Variants in TMEM117 observed in about 807,000 individuals in gnomAD.
TMEM117 encodes the protein transmembrane protein 117.
Under a neutral mutation model 52.4 loss-of-function variants are expected in TMEM117, and 27 were observed. The ratio of observed to expected loss-of-function variants is 0.51; its 90% CI spans 0.38 to 0.71. The LOEUF is 0.71. Among genes scored for constraint, TMEM117 ranks in the 30% least tolerant of loss-of-function variants. The pLI is 0.00. For synonymous variants in TMEM117, 215 were observed against 206.3 expected (o/e 1.04, Z -0.36); for missense variants, 556 against 630.5 (o/e 0.88, Z 1.26).
At chr12:44,093,773 A>G (rs1188664183) in intron 3 of TMEM117, among the ~76,000 whole-genome samples, 2 of 152,094 alleles carry the variant, frequency 1.3e-5, no homozygotes, top group African/African-American at 4.8e-5. Flanking sequence ...AATGTGAGAA[A>G]ATTGATCTTT....
chr12:44,223,638 G>A (rs561928380), intron 5 of TMEM117, among the ~76,000 whole-genome samples: 3 of 152,228 alleles, frequency 2.0e-5, no homozygotes, highest in South Asian at 4.1e-4. Flanking sequence ...CTAAGAATAG[G>A]CTGCTCACAT....
intron 4 of TMEM117, among the ~76,000 whole-genome samples, chr12:44,208,122 AT>A (rs58669783): frequency 0.1 from 15,791 of 152,116 alleles, 927 homozygotes; most frequent in Middle Eastern, 0.2. Flanking sequence ...GAAAGCAAAG[AT>A]TTCACTTAGA....
At chr12:44,226,190 A>G (rs1949858656) in intron 5 of TMEM117, among the ~76,000 whole-genome samples, 1 of 152,102 alleles carries the variant, frequency 6.6e-6, no homozygotes, top group African/African-American at 2.4e-5. Context: ...AATTGCTACC[A>G]CTATTTATTT....
intron 4 of TMEM117, among the ~76,000 whole-genome samples, chr12:44,180,865 C>G (rs1234352232): frequency 6.6e-6 from 1 of 151,344 alleles, no homozygotes; most frequent in African/African-American, 2.4e-5. Context: ...TGGGTATATA[C>G]CCAGTAATGG....
intron 4 of TMEM117, among the ~76,000 whole-genome samples, chr12:44,174,645 C>T (rs1287627821): frequency 6.6e-6 from 1 of 152,116 alleles, no homozygotes; most frequent in Non-Finnish European, 1.5e-5. Flanking sequence ...ATAGCTATCT[C>T]ATAACTAGCA....
At chr12:44,053,158 C>T (rs139297899) in intron 3 of TMEM117, among the ~76,000 whole-genome samples, 1 of 152,276 alleles carries the variant, frequency 6.6e-6, no homozygotes, top group East Asian at 1.9e-4. Flanking sequence ...CTTGCCTTCC[C>T]TTCAGATGCG....
At chr12:43,939,745 T>G (rs77520238) in intron 2 of TMEM117, among the ~76,000 whole-genome samples, 2,894 of 152,282 alleles carry the variant, frequency 0.019, 47 homozygotes, top group South Asian at 0.043. Flanking sequence ...AACTCAGACT[T>G]CCAAAGCCAT....
At chr12:43,808,839 G>A in the TMEM117 span, among the ~76,000 whole-genome samples, 1 of 145,536 alleles carries the variant, frequency 6.9e-6, no homozygotes, top group Non-Finnish European at 1.5e-5. Context: ...AAAAAAAGGA[G>A]CTACTACTAC....
At chr12:43,990,405 C>G (rs557834193) in intron 3 of TMEM117, among the ~76,000 whole-genome samples, 4 of 152,132 alleles carry the variant, frequency 2.6e-5, no homozygotes, top group Admixed American at 2.0e-4. Flanking sequence ...TTTCACTATC[C>G]TTTGAAGTTT....
intron 5 of TMEM117, among the ~76,000 whole-genome samples, chr12:44,293,822 T>G (rs903910774): frequency 2.6e-5 from 4 of 152,182 alleles, no homozygotes; most frequent in Admixed American, 2.6e-4. Context: ...TACTCTAAAG[T>G]TAACAAGTGG....
At chr12:43,956,810 C>A (rs1592392147) in intron 3 of TMEM117, among the ~76,000 whole-genome samples, 1 of 152,022 alleles carries the variant, frequency 6.6e-6, no homozygotes, top group African/African-American at 2.4e-5. Flanking sequence ...GGGTATATAC[C>A]CAAAGGATTT....
chr12:43,866,028 A>G (rs1565725859), intron 2 of TMEM117, among the ~76,000 whole-genome samples: 1 of 151,910 alleles, frequency 6.6e-6, no homozygotes, highest in Non-Finnish European at 1.5e-5. Context: ...TAGATGATCC[A>G]GAAGCTGGCA....
chr12:44,363,260 A>G (rs996852368), intron 6 of TMEM117, among the ~76,000 whole-genome samples: 2 of 152,206 alleles, frequency 1.3e-5, no homozygotes, highest in African/African-American at 4.8e-5. Flanking sequence ...GCCATGTAGT[A>G]TCATTTTTAA....
chr12:44,065,525 A>G (rs1947209222), intron 3 of TMEM117, among the ~76,000 whole-genome samples: 1 of 152,246 alleles, frequency 6.6e-6, no homozygotes, highest in African/African-American at 2.4e-5. Context: ...AGAGCTCATT[A>G]CATATTTCTT....
intron 6 of TMEM117, among the ~76,000 whole-genome samples, chr12:44,320,238 C>G (rs1407778690): frequency 6.6e-6 from 1 of 152,184 alleles, no homozygotes; most frequent in African/African-American, 2.4e-5. Flanking sequence ...GCCATCATGC[C>G]TATATATTCT....
intron 6 of TMEM117, among the ~76,000 whole-genome samples, chr12:44,301,526 G>A (rs1021617700): frequency 1.3e-5 from 2 of 152,146 alleles, no homozygotes; most frequent in Non-Finnish European, 2.9e-5. Context: ...GCTACAAGTA[G>A]CAATAACCCG....
At chr12:43,907,260 C>T (rs1326899781) in intron 2 of TMEM117, among the ~76,000 whole-genome samples, 1 of 151,972 alleles carries the variant, frequency 6.6e-6, no homozygotes, top group South Asian at 2.1e-4. Flanking sequence ...CGGCCGGGTA[C>T]TCCAACAGAC....
At chr12:44,209,681 A>G (rs1313369516) in intron 4 of TMEM117, among the ~76,000 whole-genome samples, 1 of 152,124 alleles carries the variant, frequency 6.6e-6, no homozygotes, top group Non-Finnish European at 1.5e-5. Flanking sequence ...TACTCAGTGA[A>G]GGGGAATGGA....
intron 6 of TMEM117, among the ~76,000 whole-genome samples, chr12:44,344,133 A>G (rs987410270): frequency 6.6e-6 from 1 of 152,150 alleles, no homozygotes; most frequent in African/African-American, 2.4e-5. Flanking sequence ...CACAACTACT[A>G]TGCCAGGGAA....
Sources: gnomAD v4.1 joint callset for allele counts (sites outside exome capture counted in the v4.1 genomes callset) on GRCh38, gnomAD v4.1.1 for gene constraint, MANE v1.5 for transcripts, NCBI Gene and HGNC (gene_info 2026-07-23, HGNC 2026-07-21) for gene names.